PTPRG: variants seen among roughly 807,000 people sequenced by gnomAD.
The protein encoded by PTPRG is protein tyrosine phosphatase receptor type G, also known as receptor-type tyrosine-protein phosphatase gamma.
PTPRG carries 102 observed loss-of-function variants against 165.3 expected under a neutral mutation model. The observed-to-expected ratio is 0.62, with a 90% CI of 0.53 to 0.73. The LOEUF (loss-of-function observed/expected upper bound fraction) is 0.73, where lower values mean the gene tolerates loss of function less well. Ranked by LOEUF, PTPRG falls within the 30% of genes least tolerant of loss-of-function variation. PTPRG has a pLI of 0.00. For missense variants in PTPRG, 1,866 were observed against 1,861.4 expected (o/e 1.00, Z -0.05); for synonymous variants, 675 against 669.5 (o/e 1.01, Z -0.13).
intron 2 of PTPRG, among the ~76,000 whole-genome samples, chr3:61,911,838 TG>T (rs1228075465): frequency 6.6e-6 from 1 of 152,232 alleles, no homozygotes; most frequent in African/African-American, 2.4e-5. Context: ...AGTGTGTACC[TG>T]TTTATCTAGA....
intron 6 of PTPRG, among the ~76,000 whole-genome samples, chr3:62,148,791 G>T (rs1419135975): frequency 6.7e-6 from 1 of 149,326 alleles, no homozygotes; most frequent in Admixed American, 6.6e-5. Flanking sequence ...TAAATAAATA[G>T]CTAAAATAGT....
intron 2 of PTPRG, among the ~76,000 whole-genome samples, chr3:61,907,487 A>G (rs2038685018): frequency 6.6e-6 from 1 of 152,190 alleles, no homozygotes; most frequent in Non-Finnish European, 1.5e-5. Flanking sequence ...AATCTCTTTG[A>G]CATCCTTGAA....
At position 61,863,971 on chromosome 3, in the gene PTPRG, G is replaced by A. The variant is rs2037340086; in HGVS notation, c.190+114989G>A. Among the ~76,000 whole-genome samples the A allele has an allele frequency of 2.0e-5, 3 of 152,210 alleles. No individual in the cohort carries two copies. The South Asian group carries it at 6.2e-4, about 32-fold the overall frequency. ...CCAAGGTTAAGTTCATGCTGGTTGA[G>A]GAGAATAGTGCTGGAGCCAGATAGC... On this transcript the variant is annotated intron_variant, in intron 2 of 29. Transcript: ENST00000474889.
intron 2 of PTPRG, chr3:61,769,868 G>A (rs938872671): frequency 1.3e-5 from 2 of 152,124 alleles, no homozygotes; most frequent in African/African-American, 4.8e-5. Flanking sequence ...AATCAGAAGT[G>A]TTTTCAGATG....
intron 12 of PTPRG, among the ~76,000 whole-genome samples, chr3:62,212,837 A>G (rs530561136): frequency 1.8e-4 from 27 of 152,316 alleles, no homozygotes; most frequent in African/African-American, 6.3e-4. Context: ...TGCTTATTAA[A>G]TGTTGGTAGC....
intron 5 of PTPRG, among the ~76,000 whole-genome samples, chr3:62,106,348 T>A (rs7624904): frequency 0.71 from 107,862 of 151,950 alleles, 38,726 homozygotes; most frequent in Middle Eastern, 0.79. Flanking sequence ...AAGCAGGGCA[T>A]TGCTGAAAGT....
chr3:62,183,832 G>T (rs1359054139), intron 8 of PTPRG, among the ~76,000 whole-genome samples: 1 of 152,194 alleles, frequency 6.6e-6, no homozygotes, highest in Non-Finnish European at 1.5e-5. Context: ...GAAGGATGAA[G>T]GAGAAGGGAA....
At chr3:61,662,076 C>T (rs533806669) in intron 1 of PTPRG, among the ~76,000 whole-genome samples, 1 of 152,164 alleles carries the variant, frequency 6.6e-6, no homozygotes, top group Non-Finnish European at 1.5e-5. Flanking sequence ...TTAATTAACC[C>T]AAGTTCTCCT....
At chr3:61,621,524 T>G (rs2106902313) in intron 1 of PTPRG, among the ~76,000 whole-genome samples, 1 of 152,364 alleles carries the variant, frequency 6.6e-6, no homozygotes, top group Admixed American at 6.5e-5. Context: ...GTTTACTTTC[T>G]GATTCATCTC....
At chr3:61,664,946 G>A (rs1033030594) in intron 1 of PTPRG, among the ~76,000 whole-genome samples, 8 of 152,222 alleles carry the variant, frequency 5.3e-5, no homozygotes, top group African/African-American at 1.9e-4. Context: ...GACATCCCCT[G>A]TTTTGGTTCA....
At chr3:61,623,541 T>C (rs1701520347) in intron 1 of PTPRG, among the ~76,000 whole-genome samples, 1 of 152,184 alleles carries the variant, frequency 6.6e-6, no homozygotes, top group South Asian at 2.1e-4. Context: ...GGGGAATGAA[T>C]GACTTGTTCA....
Position 62,297,299 on chromosome 3 carries a change from C to A in PTPRG, c.*3992C>A, listed in dbSNP as rs1703095132. The A allele has an allele frequency of 6.6e-6, 1 of 151,936 alleles. No individual in the cohort carries two copies. Among genetic ancestry groups the A allele is most frequent in the Admixed American group, 6.6e-5 (1 of 15,242 alleles). The allele number at this position is 151,936 out of a possible 1,614,324, so 9.4% of individuals were successfully genotyped here. ...AAGTAGCAAAAACCATCTTTACATT[C>A]CAAAAGAATCCAACATGTGTTATTT... On this transcript the variant is annotated 3_prime_UTR_variant, in exon 30 of 30. Transcript: ENST00000474889.
In PTPRG at chr3:61,844,785, G is replaced by A. The variant is rs576332426; in HGVS notation, c.190+95803G>A. On this transcript the variant is annotated intron_variant, in intron 2 of 29. Coordinates refer to ENST00000474889, the MANE Select transcript of PTPRG (RefSeq NM_002841.4). Reference sequence around the variant, plus strand: ...CCTAAAGTGCTGGGATTACAGGCATGAGCCACCACACCTGGCCAGCATCTG... The same window carrying A: ...CCTAAAGTGCTGGGATTACAGGCATAAGCCACCACACCTGGCCAGCATCTG... 4.3e-4 allele frequency among the ~76,000 whole-genome samples: 65 copies of A among 152,134 alleles called. 1 individual carries two copies. The highest frequency in any genetic ancestry group is 6.8e-3 in the Middle Eastern group (2 of 294).
At chr3:62,037,801 G>T (rs889274110) in intron 4 of PTPRG, among the ~76,000 whole-genome samples, 6 of 152,144 alleles carry the variant, frequency 3.9e-5, no homozygotes, top group Non-Finnish European at 8.8e-5. Flanking sequence ...CCTCTTATTT[G>T]TGCATTCCTG....
chr3:61,679,681 T>G (rs1703360418), intron 1 of PTPRG, among the ~76,000 whole-genome samples: 1 of 152,042 alleles, frequency 6.6e-6, no homozygotes, highest in African/African-American at 2.4e-5. Flanking sequence ...CTCAGGAAGC[T>G]GAGGCACGAG....
Position 62,285,992 on chromosome 3 carries a change from G to C in PTPRG, c.4055+3123G>C, listed in dbSNP as rs139931783. Among the ~76,000 whole-genome samples, 97 of 152,258 alleles carry C rather than the reference G, an allele frequency of 6.4e-4. 3 individuals carry two copies. The East Asian group carries it at 0.014, about 23-fold the overall frequency. ...GACAATTAAAAAGAGTTTTCCAGAA[G>C]TACATGACATGTGATAACATCACTT... On this transcript the variant is annotated intron_variant, in intron 28 of 29. Transcript: ENST00000474889.
At chr3:61,795,675 T>C (rs1188711200) in intron 2 of PTPRG, among the ~76,000 whole-genome samples, 1 of 141,692 alleles carries the variant, frequency 7.1e-6, no homozygotes, top group South Asian at 2.3e-4. Flanking sequence ...AAAGTGGGAA[T>C]AGTATCTACC....
At chr3:62,023,157 T>G (rs2041737290) in intron 4 of PTPRG, among the ~76,000 whole-genome samples, 1 of 152,172 alleles carries the variant, frequency 6.6e-6, no homozygotes, top group Non-Finnish European at 1.5e-5. Flanking sequence ...ATGCATATTA[T>G]CTTATGAGTT....
intron 1 of PTPRG, among the ~76,000 whole-genome samples, chr3:61,629,306 C>T (rs1701701712): frequency 6.6e-6 from 1 of 152,118 alleles, no homozygotes; most frequent in African/African-American, 2.4e-5. Context: ...AGGCACCCAC[C>T]ACCATGACCG....
Sources: allele counts gnomAD v4.1 joint callset (sites outside exome capture counted in the v4.1 genomes callset), GRCh38; gene constraint gnomAD v4.1.1; transcripts MANE v1.5; gene names NCBI Gene and HGNC (gene_info 2026-07-23, HGNC 2026-07-21).